Variants in PLCB1 observed in about 807,000 individuals in gnomAD.
The protein encoded by PLCB1 is 1-phosphatidylinositol 4,5-bisphosphate phosphodiesterase beta-1.
PLCB1 carries 46 observed loss-of-function variants against 161.8 expected under a neutral mutation model. The ratio of observed to expected loss-of-function variants is 0.28; its 90% confidence interval spans 0.22 to 0.36. The LOEUF is 0.36. Ranked by LOEUF, PLCB1 falls within the 10% of genes least tolerant of loss-of-function variation. PLCB1 has a pLI of 1.00. For synonymous variants in PLCB1, 517 were observed against 503.7 expected (o/e 1.03, Z -0.35); for missense variants, 1,016 against 1,472.5 (o/e 0.69, Z 5.07).
rs1986893446 is a variant in PLCB1 at position 8,371,216 on chromosome 20, C to A, written c.178-166C>A. On this transcript the variant is annotated intron_variant, in intron 2 of 31. Coordinates refer to ENST00000338037, the MANE Select transcript of PLCB1 (RefSeq NM_015192.4). Reference sequence around the variant, plus strand: ...GTTAGCAGTTAGCTGTCTTTTGTTTCCAACCTAATTCAATTGAGAAGTGAT... The same window carrying A: ...GTTAGCAGTTAGCTGTCTTTTGTTTACAACCTAATTCAATTGAGAAGTGAT... 7.4e-6 allele frequency: 4 copies of A among 541,218 alleles called. No individual in the cohort carries two copies. In the South Asian group the frequency reaches 1.1e-4, roughly 14 times the overall value. 33.5% of individuals were successfully genotyped at this position (541,218 alleles called of 1,614,324 possible). A position where few individuals can be genotyped will look rare whatever the true frequency, so the allele number is the denominator to read the frequency against.
intron 18 of PLCB1, among the ~76,000 whole-genome samples, chr20:8,730,308 T>C (rs1980168879): frequency 6.6e-6 from 1 of 151,920 alleles, no homozygotes; most frequent in African/African-American, 2.4e-5. Flanking sequence ...TGGTCCATAG[T>C]CTCAGTGAGA....
At chr20:8,283,362 C>G (rs6039121) in intron 2 of PLCB1, among the ~76,000 whole-genome samples, 2 of 151,844 alleles carry the variant, frequency 1.3e-5, no homozygotes, top group African/African-American at 4.8e-5. Flanking sequence ...AATTCAAAAC[C>G]TAAAGATACT....
At chr20:8,227,951 C>G (rs979171047) in intron 2 of PLCB1, among the ~76,000 whole-genome samples, 7 of 152,066 alleles carry the variant, frequency 4.6e-5, no homozygotes, top group African/African-American at 1.7e-4. Flanking sequence ...TAAATATATT[C>G]TAATGATTTG....
intron 2 of PLCB1, among the ~76,000 whole-genome samples, chr20:8,252,146 G>T (rs539370602): frequency 1.6e-4 from 24 of 151,900 alleles, no homozygotes; most frequent in Non-Finnish European, 3.2e-4. Context: ...AAAAGCAGAG[G>T]AGGGGAGGAT....
intron 3 of PLCB1, among the ~76,000 whole-genome samples, chr20:8,626,533 TG>T (rs1988354277): frequency 6.6e-6 from 1 of 152,082 alleles, no homozygotes; most frequent in Non-Finnish European, 1.5e-5. Context: ...AAAAAATGCT[TG>T]GGGGAGAAAA....
At chr20:8,624,883 G>C (rs1321939575) in intron 3 of PLCB1, among the ~76,000 whole-genome samples, 1 of 152,146 alleles carries the variant, frequency 6.6e-6, no homozygotes, top group Non-Finnish European at 1.5e-5. Flanking sequence ...AGGATTCTGA[G>C]TTGGTCTGGT....
intron 3 of PLCB1, among the ~76,000 whole-genome samples, chr20:8,614,220 G>A (rs1418171069): frequency 6.6e-6 from 1 of 152,050 alleles, no homozygotes; most frequent in African/African-American, 2.4e-5. Flanking sequence ...AATAACCCAT[G>A]TTGGTGATCT....
chr20:8,402,673 A>C (rs994852010), intron 3 of PLCB1, among the ~76,000 whole-genome samples: 14 of 141,750 alleles, frequency 9.9e-5, no homozygotes, highest in Admixed American at 6.2e-4. Flanking sequence ...TCCCTACTAA[A>C]AATACAAAAA....
intron 2 of PLCB1, among the ~76,000 whole-genome samples, chr20:8,151,927 A>G (rs2123035109): frequency 6.6e-6 from 1 of 152,296 alleles, no homozygotes; most frequent in South Asian, 2.1e-4. Flanking sequence ...TATTTCCTTA[A>G]TAAAGAAAAA....
intron 3 of PLCB1, among the ~76,000 whole-genome samples, chr20:8,464,725 G>C (rs1285094074): frequency 6.6e-6 from 1 of 152,072 alleles, no homozygotes; most frequent in African/African-American, 2.4e-5. Flanking sequence ...TCACCACCTA[G>C]CTCTCAGCCA....
intron 2 of PLCB1, among the ~76,000 whole-genome samples, chr20:8,347,035 A>C (rs1353715057): frequency 1.3e-5 from 2 of 152,210 alleles, no homozygotes; most frequent in African/African-American, 4.8e-5. Flanking sequence ...GCCAAGTGCT[A>C]AATATAGAAA....
chr20:8,805,288 A>G (rs571220611), intron 31 of PLCB1, among the ~76,000 whole-genome samples: 21 of 152,222 alleles, frequency 1.4e-4, no homozygotes, highest in Admixed American at 2.6e-4. Context: ...CTGTAGAGCG[A>G]GATATAAAAT....
At chr20:8,767,882 G>A (rs6077421) in intron 26 of PLCB1, among the ~76,000 whole-genome samples, 48,341 of 152,090 alleles carry the variant, frequency 0.32, 7,753 homozygotes, top group Middle Eastern at 0.49. Flanking sequence ...TGGAGGCTAG[G>A]AATTCAAAAT....
intron 19 of PLCB1, among the ~76,000 whole-genome samples, chr20:8,735,859 G>A (rs1048750332): frequency 4.6e-5 from 7 of 152,172 alleles, no homozygotes; most frequent in African/African-American, 1.7e-4. Context: ...TTGTCCCAGG[G>A]CAAATTCAGA....
rs542511265 is a variant in PLCB1 at position 8,199,603 on chromosome 20, T to G, written c.177+49232T>G. On this transcript the variant is annotated intron_variant, in intron 2 of 31. Transcript: ENST00000338037. Reference sequence around the variant, plus strand: ...TATTTGGTGATTTGTTGCTTATATTTTAATTAGTTTGTATGTGAGATTCTT... The same window carrying G: ...TATTTGGTGATTTGTTGCTTATATTGTAATTAGTTTGTATGTGAGATTCTT... Among the ~76,000 whole-genome samples the G allele has an allele frequency of 2.0e-5, 3 of 152,244 alleles. No homozygotes were observed. In the South Asian group the frequency reaches 6.2e-4, roughly 32 times the overall value.
intron 3 of PLCB1, among the ~76,000 whole-genome samples, chr20:8,617,899 T>C (rs1988079011): frequency 6.6e-6 from 1 of 152,162 alleles, no homozygotes; most frequent in African/African-American, 2.4e-5. Flanking sequence ...CCTAAGATAG[T>C]GTTTGGTATA....
At chr20:8,562,297 G>C (rs1446956443) in intron 3 of PLCB1, among the ~76,000 whole-genome samples, 1 of 152,056 alleles carries the variant, frequency 6.6e-6, no homozygotes, top group Non-Finnish European at 1.5e-5. Context: ...CTTGGGCTGA[G>C]ATGCAGTCCA....
intron 3 of PLCB1, among the ~76,000 whole-genome samples, chr20:8,442,399 C>T (rs1980600074): frequency 6.6e-6 from 1 of 152,148 alleles, no homozygotes; most frequent in South Asian, 2.1e-4. Context: ...GGCTCAAACC[C>T]TGTATGAAGC....
At chr20:8,500,157 C>A (rs1161281299) in intron 3 of PLCB1, among the ~76,000 whole-genome samples, 1 of 152,104 alleles carries the variant, frequency 6.6e-6, no homozygotes, top group Non-Finnish European at 1.5e-5. Flanking sequence ...AGGTAAAGGT[C>A]ATTTTGATTG....
Sources: gnomAD v4.1 joint callset for allele counts (sites outside exome capture counted in the v4.1 genomes callset) on GRCh38, gnomAD v4.1.1 for gene constraint, MANE v1.5 for transcripts, NCBI Gene and HGNC (gene_info 2026-07-23, HGNC 2026-07-21) for gene names.